BIRC2: variants seen among roughly 807,000 people sequenced by gnomAD.
BIRC2 encodes the protein baculoviral IAP repeat-containing protein 2.
BIRC2 carries 18 observed loss-of-function variants against 60.9 expected under a neutral mutation model. The observed-to-expected ratio is 0.30, with a 90% CI of 0.20 to 0.44. The LOEUF (loss-of-function observed/expected upper bound fraction) is 0.44, where lower values mean the gene tolerates loss of function less well. BIRC2 is among the 20% of genes least tolerant of loss of function. The pLI, the probability that BIRC2 is intolerant of heterozygous loss-of-function variation, is 1.00. For synonymous variants in BIRC2, 282 were observed against 247.7 expected (o/e 1.14, Z -1.30); for missense variants, 701 against 728.5 (o/e 0.96, Z 0.43).
At position 102,377,518 on chromosome 11, in the gene BIRC2, G is replaced by A; in HGVS notation, c.1389G>A (p.Lys463=). The A allele has an allele frequency of 6.3e-7, 1 of 1,595,496 alleles. No homozygotes were observed. The highest frequency in any genetic ancestry group is 1.2e-5 in the South Asian group (1 of 86,616). Residue 463 remains lysine (K), a synonymous_variant, in exon 7 of 9, where the codon AAG becomes AAA. Coordinates refer to ENST00000227758, the MANE Select transcript of BIRC2 (RefSeq NM_001166.5). ...AAGATGATTTGTCATTAATTCGGAA[G>A]AACAGAATGGCTCTCTTTCAACAAT... ...MASDDLSLIR[K]NRMALFQQLT... is the part of the protein sequence containing the mutation.
At chr11:102,364,174 T>TATATATATATATATACAC (rs1389968594) in intron 5 of BIRC2, among the ~76,000 whole-genome samples, 15 of 78,088 alleles carry the variant, frequency 1.9e-4, no homozygotes, top group African/African-American at 6.1e-4. Context: ...TATATATATA[T>TATATATATATATATACAC]ACACACACAC....
At chr11:102,367,841 C>A (rs773700538) in intron 5 of BIRC2, among the ~76,000 whole-genome samples, 1 of 152,192 alleles carries the variant, frequency 6.6e-6, no homozygotes, top group Non-Finnish European at 1.5e-5. Flanking sequence ...CCTCAGCAAT[C>A]CACTTGTCTA....
chr11:102,363,625 G>A (rs748297874), intron 4 of BIRC2, 43 bp from the exon 5 acceptor site: 3 of 1,462,696 alleles, frequency 2.1e-6, no homozygotes, highest in Non-Finnish European at 2.9e-6. Flanking sequence ...CAGATTGTTG[G>A]GGATATCTGC....
intron 6 of BIRC2, among the ~76,000 whole-genome samples, chr11:102,369,337 C>G (rs1951595313): frequency 7.5e-6 from 1 of 133,768 alleles, no homozygotes; most frequent in Non-Finnish European, 1.6e-5. Context: ...ACCACAGTCC[C>G]CAGAGTGTGA....
intron 3 of BIRC2, 125 bp downstream of exon 3, chr11:102,351,068 C>A: frequency 1.2e-6 from 1 of 836,236 alleles, no homozygotes; most frequent in Non-Finnish European, 1.9e-6. Flanking sequence ...GGGAATTATC[C>A]TTCTAAAAGA....
At chr11:102,347,971 A>G (rs1461210870) in intron 1 of BIRC2, 2 of 152,222 alleles carry the variant, frequency 1.3e-5, no homozygotes, top group African/African-American at 4.8e-5. Flanking sequence ...ATAGGATATA[A>G]GACCGGGTGT....
At position 102,350,348 on chromosome 11, in the gene BIRC2, C is replaced by T. The variant is rs1478142635; in HGVS notation, c.494C>T (p.Ala165Val). The T allele has an allele frequency of 1.2e-6, 2 of 1,614,200 alleles. No individual in the cohort carries two copies. The highest frequency in any genetic ancestry group is 1.7e-6 in the Non-Finnish European group (2 of 1,180,038). The change falls in exon 2 of 9, where the codon GCA becomes GTA. Residue 165 changes from alanine to valine, a missense_variant. Physicochemically the swap from Ala to Val is moderately conservative, Grantham distance 64. This residue lies in a region of BIRC2 where 375 missense variants were observed against 365.9 expected (regional missense o/e 1.02). Transcript: ENST00000227758. ...TCTCCAAACCCTCTTAATTCTAGAG[C>T]AGTTGAAGACATCTCTTCATCGAGG... ...SLSPNPLNSR[A>V]VEDISSSRTN...
intron 6 of BIRC2, among the ~76,000 whole-genome samples, chr11:102,369,025 T>C (rs1951588259): frequency 6.6e-6 from 1 of 152,134 alleles, no homozygotes; most frequent in Non-Finnish European, 1.5e-5. Context: ...TGGGGCTTGA[T>C]GAGAACCACC....
At position 102,350,650 on chromosome 11, in the gene BIRC2, A is replaced by G. The variant is rs1951348646; in HGVS notation, c.796A>G (p.Met266Val). The part of the protein sequence containing the change: ...TLRFSISNLS[M>V]QTHAARMRTF... ...GAGGTTTAGCATTTCAAATCTGAGC[A>G]TGCAGACACATGCAGCTCGAATGAG... The change falls in exon 2 of 9, where the codon ATG becomes GTG. Residue 266 changes from methionine (M) to valine (V), a missense_variant. Met to Val is a conservative substitution (Grantham distance 21). Transcript: ENST00000227758. 2 of 1,613,938 alleles carry G rather than the reference A, an allele frequency of 1.2e-6. No individual in the cohort carries two copies. Among genetic ancestry groups the G allele is most frequent in the African/African-American group, 1.3e-5 (1 of 74,948 alleles).
intron 6 of BIRC2, among the ~76,000 whole-genome samples, chr11:102,376,261 G>A (rs566641411): frequency 2.1e-4 from 32 of 152,318 alleles, no homozygotes; most frequent in Middle Eastern, 6.8e-3. Context: ...CTGCTACCTA[G>A]ATTAGAATAG....
intron 5 of BIRC2, among the ~76,000 whole-genome samples, chr11:102,363,973 C>G (rs548001983): frequency 2.6e-5 from 4 of 151,122 alleles, no homozygotes. Context: ...TTGCTTGAAC[C>G]CAGGAGGTGG....
At chr11:102,358,336 C>T (rs1365233172) in intron 3 of BIRC2, among the ~76,000 whole-genome samples, 1 of 152,172 alleles carries the variant, frequency 6.6e-6, no homozygotes, top group African/African-American at 2.4e-5. Context: ...CTCTTTGGAA[C>T]ATTTTTGGTT....
intron 6 of BIRC2, among the ~76,000 whole-genome samples, chr11:102,369,562 CATT>C (rs1247642889): frequency 6.8e-6 from 1 of 146,828 alleles, no homozygotes; most frequent in African/African-American, 2.5e-5. Flanking sequence ...TCCGGTCTAT[CATT>C]GTTGGACATT....
At chr11:102,361,053 A>C (rs75029885) in intron 3 of BIRC2, among the ~76,000 whole-genome samples, 3,281 of 152,164 alleles carry the variant, frequency 0.022, 62 homozygotes, top group Non-Finnish European at 0.035. Context: ...CATGGGAGAC[A>C]TTGTGGCCAA....
In BIRC2 at chr11:102,350,531, A is replaced by G; in HGVS notation, c.677A>G (p.Lys226Arg). 6.2e-7 allele frequency: 1 copy of G among 1,614,208 alleles called. No homozygotes were observed. The highest frequency in any genetic ancestry group is 8.5e-7 in the Non-Finnish European group (1 of 1,180,034). Reference protein sequence around the residue: ...DRVACFACGGKLSNWEPKDDA... With the variant: ...DRVACFACGGRLSNWEPKDDA... Reference sequence around the variant, plus strand: ...GTAGCCTGCTTTGCCTGTGGTGGGAAGCTCAGTAACTGGGAACCAAAGGAT... The same window carrying G: ...GTAGCCTGCTTTGCCTGTGGTGGGAGGCTCAGTAACTGGGAACCAAAGGAT... Residue 226 changes from lysine to arginine, a missense_variant, in exon 2 of 9, where the codon AAG becomes AGG. Lys to Arg is a conservative substitution (Grantham distance 26). Around this residue, in one of 4 missense-constraint regions of BIRC2, gnomAD observed 375 missense variants for 365.9 expected, o/e 1.02. Transcript: ENST00000227758.
rs764576071 is a variant in BIRC2 at position 102,350,219 on chromosome 11, G to A, written c.365G>A (p.Gly122Glu). The change falls in exon 2 of 9, where the codon GGA (glycine) becomes GAA (glutamate). Residue 122 changes from glycine to glutamate, a missense_variant. Coordinates refer to ENST00000227758, the MANE Select transcript of BIRC2 (RefSeq NM_001166.5). ...FIQNLVSASL[G>E]STSKNTSPMR... ...CAGAATCTGGTTTCAGCTAGTCTGG[G>A]ATCCACCTCTAAGAATACGTCTCCA... 3.7e-6 allele frequency: 6 copies of A among 1,614,046 alleles called. No individual in the cohort carries two copies. The highest frequency in any genetic ancestry group is 1.3e-5 in the African/African-American group (1 of 74,914).
rs1422231630 is a variant in BIRC2 at position 102,378,119 on chromosome 11, C to T, written c.1793C>T (p.Ser598Phe). 6.2e-7 allele frequency: 1 copy of T among 1,613,394 alleles called. No homozygotes were observed. The highest frequency in any genetic ancestry group is 8.5e-7 in the Non-Finnish European group (1 of 1,179,738). The change falls in exon 9 of 9, where the codon TCT becomes TTT. Residue 598 changes from serine (S) to phenylalanine (F), a missense_variant. This residue lies in a region of BIRC2 where 52 missense variants were observed against 83.9 expected (regional missense o/e 0.62). Transcript: ENST00000227758. ...GTAGTATGCCAGGAATGTGCCCCTT[C>T]TCTAAGAAAATGCCCTATTTGCAGG... ...HLVVCQECAP[S>F]LRKCPICRGI...
At chr11:102,356,913 ACCCATCTTGGCCT>A (rs1951429359) in intron 3 of BIRC2, among the ~76,000 whole-genome samples, 1 of 151,492 alleles carries the variant, frequency 6.6e-6, no homozygotes, top group Non-Finnish European at 1.5e-5. Flanking sequence ...CAGGTGATCC[ACCCATCTTGGCCT>A]CCCAAACTGC....
At chr11:102,356,895 C>T (rs1007612945) in intron 3 of BIRC2, among the ~76,000 whole-genome samples, 1 of 151,852 alleles carries the variant, frequency 6.6e-6, no homozygotes, top group Non-Finnish European at 1.5e-5. Flanking sequence ...GTCTCAAACT[C>T]CTGACCTCAG....
Sources: allele counts gnomAD v4.1 joint callset (sites outside exome capture counted in the v4.1 genomes callset), GRCh38; gene constraint gnomAD v4.1.1; regional missense constraint gnomAD v4.1.1; transcripts MANE v1.5; gene names NCBI Gene and HGNC (gene_info 2026-07-23, HGNC 2026-07-21).